Variants in PATJ observed in about 807,000 individuals in gnomAD.
PATJ encodes PATJ crumbs cell polarity complex component, also known as inaD-like protein.
PATJ carries 190 observed loss-of-function variants against 224.9 expected under a neutral mutation model. The observed-to-expected ratio is 0.84, with a 90% confidence interval of 0.75 to 0.95. The LOEUF (loss-of-function observed/expected upper bound fraction) is 0.95, where lower values mean the gene tolerates loss of function less well. Ranked by LOEUF, PATJ falls within the 40% of genes least tolerant of loss-of-function variation. The probability of loss-of-function intolerance (pLI) is 0.00; values close to 1 mark genes in which losing one functional copy is unlikely to be tolerated. For synonymous variants in PATJ, 769 were observed against 820.3 expected (o/e 0.94, Z 1.07); for missense variants, 2,121 against 2,270.3 (o/e 0.93, Z 1.34).
rs552433893 is a variant in PATJ, at chr1:62,003,041, A to G, written c.3867+12677A>G. On this transcript the variant is annotated intron_variant, in intron 28 of 43. Transcript: ENST00000642238. ...CCAGTCCTGTCTGCTTAGGTGGCTA[A>G]TAATACCATTGATAGAGTTAGGCTG... 9.2e-4 allele frequency among the ~76,000 whole-genome samples: 140 copies of G among 152,324 alleles called. 1 individual carries two copies. The highest frequency in any genetic ancestry group is 3.0e-3 in the African/African-American group (126 of 41,580).
At chr1:61,965,747 G>C (rs1344907890) in intron 27 of PATJ, among the ~76,000 whole-genome samples, 1 of 152,152 alleles carries the variant, frequency 6.6e-6, no homozygotes, top group Non-Finnish European at 1.5e-5. Context: ...TAGTCACTAG[G>C]TTTTATTGCC....
intron 17 of PATJ, among the ~76,000 whole-genome samples, chr1:61,849,525 C>T (rs766201255): frequency 6.6e-6 from 1 of 152,084 alleles, no homozygotes; most frequent in Non-Finnish European, 1.5e-5. Flanking sequence ...CCCAGGAGGT[C>T]GAGACTGCAG....
At chr1:61,998,391 TTTTTA>T (rs143007720) in intron 28 of PATJ, among the ~76,000 whole-genome samples, 3,504 of 151,972 alleles carry the variant, frequency 0.023, 90 homozygotes, top group African/African-American at 0.057. Context: ...GCCCAGCTAA[TTTTTA>T]TTTTATTTGT....
chr1:61,987,766 A>G (rs1644843018), intron 27 of PATJ, among the ~76,000 whole-genome samples: 2 of 152,122 alleles, frequency 1.3e-5, no homozygotes, highest in Admixed American at 1.3e-4. Context: ...CCCCATCCCA[A>G]CTGCGTTTTC....
chr1:61,822,346 C>A (rs565762348), intron 14 of PATJ, among the ~76,000 whole-genome samples: 1 of 147,478 alleles, frequency 6.8e-6, no homozygotes, highest in Non-Finnish European at 1.5e-5. Flanking sequence ...TGCTTGAACC[C>A]GGGAGGTGAA....
chr1:61,789,343 A>C (rs1339354718), intron 8 of PATJ, among the ~76,000 whole-genome samples: 7 of 150,914 alleles, frequency 4.6e-5, no homozygotes, highest in Non-Finnish European at 7.4e-5. Context: ...CAAAACAGAC[A>C]AAAAAAAACT....
At chr1:62,129,138 T>C (rs908061597) in intron 41 of PATJ, among the ~76,000 whole-genome samples, 193 bp downstream of exon 41, 3 of 152,208 alleles carry the variant, frequency 2.0e-5, no homozygotes, top group African/African-American at 7.2e-5. Flanking sequence ...GTGAGCATGA[T>C]TATATGAAAG....
intron 27 of PATJ, among the ~76,000 whole-genome samples, chr1:61,960,972 G>A (rs1379424347): frequency 6.6e-6 from 1 of 152,188 alleles, no homozygotes; most frequent in African/African-American, 2.4e-5. Flanking sequence ...GAAAGGGACT[G>A]TCCATTTTAA....
At chr1:61,867,696 A>T (rs1481054246) in intron 20 of PATJ, among the ~76,000 whole-genome samples, 1 of 150,094 alleles carries the variant, frequency 6.7e-6, no homozygotes, top group East Asian at 1.9e-4. Context: ...ACAGTATTTT[A>T]TTTTCTTTAA....
intron 29 of PATJ, among the ~76,000 whole-genome samples, chr1:62,036,899 A>AAGGGAGGG (rs1428556210): frequency 7.3e-6 from 1 of 136,178 alleles, no homozygotes; most frequent in Non-Finnish European, 1.6e-5. Flanking sequence ...GAAAGGAAGG[A>AAGGGAGGG]AGGGAGGGAG....
At chr1:62,059,981 G>A (rs1221560379) in intron 31 of PATJ, among the ~76,000 whole-genome samples, 1 of 152,176 alleles carries the variant, frequency 6.6e-6, no homozygotes, top group Non-Finnish European at 1.5e-5. Flanking sequence ...AGGAGGAAGA[G>A]CAGATTTGTG....
chr1:61,931,355 G>A (rs996284764), intron 27 of PATJ, among the ~76,000 whole-genome samples: 19 of 151,978 alleles, frequency 1.3e-4, no homozygotes, highest in East Asian at 1.2e-3. Context: ...ATAAAACAAA[G>A]TAATAAAATT....
intron 41 of PATJ, among the ~76,000 whole-genome samples, chr1:62,134,213 T>C (rs1457795923): frequency 6.6e-6 from 1 of 151,012 alleles, no homozygotes. Context: ...TCTTTTTTTT[T>C]TTTTTTTTTT....
chr1:61,778,305 C>T (rs978371272), intron 7 of PATJ, among the ~76,000 whole-genome samples: 1 of 152,114 alleles, frequency 6.6e-6, no homozygotes, highest in Non-Finnish European at 1.5e-5. Context: ...TGTGAGCCAC[C>T]ATACCCAGCC....
intron 27 of PATJ, among the ~76,000 whole-genome samples, chr1:61,949,354 T>G (rs1027291743): frequency 2.0e-5 from 3 of 151,978 alleles, no homozygotes; most frequent in Non-Finnish European, 4.4e-5. Flanking sequence ...ATGGAATTTT[T>G]GGGGGGTGGT....
chr1:62,136,650 T>A (rs1244834607), intron 41 of PATJ, among the ~76,000 whole-genome samples: 1 of 44,200 alleles, frequency 2.3e-5, no homozygotes. Flanking sequence ...ATGTTTTGCG[T>A]GTGTGTGTGT....
chr1:61,762,631 A>G (rs1401033404), intron 1 of PATJ, among the ~76,000 whole-genome samples: 1 of 152,202 alleles, frequency 6.6e-6, no homozygotes, highest in Non-Finnish European at 1.5e-5. Context: ...AATGTACAAT[A>G]ATAGTTCCAG....
rs1225425575 is a variant in PATJ, at chr1:62,161,523, G to A, written c.*469G>A. 2 of 152,210 alleles carry A rather than the reference G, an allele frequency of 1.3e-5. No homozygotes were observed. The highest frequency in any genetic ancestry group is 1.3e-4 in the Admixed American group (2 of 15,240). 9.4% of individuals were successfully genotyped at this position (152,210 alleles called of 1,614,324 possible). A position where few individuals can be genotyped will look rare whatever the true frequency, so the allele number is the denominator to read the frequency against. On this transcript the variant is annotated 3_prime_UTR_variant, in exon 44 of 44. Coordinates refer to ENST00000642238, the MANE Select transcript of PATJ (RefSeq NM_001350145.3). ...TGGGTTTATTTTTGTTTTTTTAGTAGAGATGGAGCTTCCCCATGTGGGCCA... is the reference window on the plus strand; with the variant it reads ...TGGGTTTATTTTTGTTTTTTTAGTAAAGATGGAGCTTCCCCATGTGGGCCA...
intron 24 of PATJ, among the ~76,000 whole-genome samples, chr1:61,904,493 T>C (rs1314783434): frequency 2.6e-5 from 4 of 152,328 alleles, no homozygotes; most frequent in Admixed American, 2.6e-4. Context: ...CTCTATACAG[T>C]TTTATCACAT....
Sources: gnomAD v4.1 joint callset for allele counts (sites outside exome capture counted in the v4.1 genomes callset) on GRCh38, gnomAD v4.1.1 for gene constraint, MANE v1.5 for transcripts, NCBI Gene and HGNC (gene_info 2026-07-23, HGNC 2026-07-21) for gene names.